TCF25: variants seen among roughly 807,000 people sequenced by gnomAD.
TCF25 encodes TCF25 ribosome quality control complex subunit, also known as ribosome quality control complex subunit TCF25.
A neutral mutation model predicts 83.1 loss-of-function variants in TCF25; 41 were observed. The ratio of observed to expected loss-of-function variants is 0.49; its 90% CI spans 0.38 to 0.64. TCF25 has a LOEUF of 0.64. TCF25 is among the 30% of genes least tolerant of loss of function. TCF25 has a pLI of 0.00. For missense variants in TCF25, 979 were observed against 914.5 expected (o/e 1.07, Z -0.91); for synonymous variants, 458 against 365.0 (o/e 1.25, Z -2.90).
intron 1 of TCF25, among the ~76,000 whole-genome samples, chr16:89,879,798 G>C (rs2042459788): frequency 3.9e-5 from 1 of 25,656 alleles, no homozygotes; most frequent in African/African-American, 1.9e-4. Flanking sequence ...CGTGTGCACA[G>C]ATGGGCTTCG....
chr16:89,900,472 G>A (rs558123055), intron 11 of TCF25, among the ~76,000 whole-genome samples, 163 bp from the exon 12 acceptor site: 1 of 152,288 alleles, frequency 6.6e-6, no homozygotes, highest in East Asian at 1.9e-4. Flanking sequence ...CCAGGTGGAC[G>A]TTTTAAGTTA....
At chr16:89,890,477 G>A (rs1305964639) in intron 5 of TCF25, 4 of 152,180 alleles carry the variant, frequency 2.6e-5, no homozygotes, top group African/African-American at 7.2e-5. Flanking sequence ...CAGAAGTGTT[G>A]GGGTTTTGAT....
At chr16:89,898,108 C>CA (rs34317886) in intron 9 of TCF25, among the ~76,000 whole-genome samples, 9,276 of 114,988 alleles carry the variant, frequency 0.081, 590 homozygotes, top group African/African-American at 0.19. Flanking sequence ...GACTCCGTCT[C>CA]AAAAAAAAAA....
rs775110246 is a variant in TCF25 at position 89,885,862 on chromosome 16, A to G, written c.444A>G (p.Glu148=). The G allele has an allele frequency of 6.2e-7, 1 of 1,611,986 alleles. No homozygotes were observed. Among genetic ancestry groups the G allele is most frequent in the Non-Finnish European group, 8.5e-7 (1 of 1,178,140 alleles). ...STGEASENGL[E]DIDRILERIE... is the part of the protein sequence containing the mutation. The stretch of plus-strand genomic sequence containing the variant: ...GGGGCTTTTAGGAAAACGGACTAGA[A>G]GATATCGATCGCATCCTAGAGAGGA... Residue 148 remains glutamate (E), a synonymous_variant, in exon 4 of 18, where the codon GAA becomes GAG. Transcript: ENST00000263346.
chr16:89,892,489 G>A (rs1467748848), intron 6 of TCF25, among the ~76,000 whole-genome samples: 1 of 152,140 alleles, frequency 6.6e-6, no homozygotes, highest in African/African-American at 2.4e-5. Flanking sequence ...CCAGGAGTGT[G>A]CAGTGTGTGA....
At chr16:89,902,688 C>G (rs1374609408) in intron 12 of TCF25, among the ~76,000 whole-genome samples, 2 of 107,150 alleles carry the variant, frequency 1.9e-5, no homozygotes, top group Non-Finnish European at 4.0e-5. Flanking sequence ...GACTCCGTCT[C>G]AAAAAAAAAG....
chr16:89,882,580 G>A (rs1169585337), intron 1 of TCF25, among the ~76,000 whole-genome samples: 3 of 152,054 alleles, frequency 2.0e-5, no homozygotes, highest in Non-Finnish European at 4.4e-5. Flanking sequence ...TATTTTTATC[G>A]TATGTCATTT....
At chr16:89,907,648 C>G (rs1293977937) in intron 16 of TCF25, among the ~76,000 whole-genome samples, 1 of 105,522 alleles carries the variant, frequency 9.5e-6, no homozygotes, top group Non-Finnish European at 2.0e-5. Flanking sequence ...CTAGTTCCCA[C>G]CTCCCAGCTC....
chr16:89,887,943 A>G (rs1231363057), intron 5 of TCF25, among the ~76,000 whole-genome samples: 1 of 152,220 alleles, frequency 6.6e-6, no homozygotes, highest in Non-Finnish European at 1.5e-5. Flanking sequence ...GCTGGTCTCC[A>G]TCCCTCACAC....
At chr16:89,873,896 C>G in intron 1 of TCF25, 37 bp downstream of exon 1, 1 of 1,478,344 alleles carries the variant, frequency 6.8e-7, no homozygotes, top group Non-Finnish European at 9.0e-7. Context: ...GGTGGGGTGG[C>G]CCTTGACGTT....
Position 89,893,825 on chromosome 16 carries a change from G to C in TCF25, c.795G>C (p.Val265=), listed in dbSNP as rs1456677027. 1.2e-6 allele frequency: 2 copies of C among 1,611,146 alleles called. No homozygotes were observed. The highest frequency in any genetic ancestry group is 3.3e-5 in the Admixed American group (2 of 59,716). ...AGCAGGCTCAGCACAAGTTCCTGGTGGCCGTGGAGTCTATGGAGCCGAACA... is the reference window on the plus strand; with the variant it reads ...AGCAGGCTCAGCACAAGTTCCTGGTCGCCGTGGAGTCTATGGAGCCGAACA... ...EYQQAQHKFL[V]AVESMEPNNI... The change falls in exon 7 of 18, where the codon GTG becomes GTC. Residue 265 remains valine (V), a synonymous_variant. Coordinates refer to ENST00000263346, the MANE Select transcript of TCF25 (RefSeq NM_014972.3).
intron 4 of TCF25, among the ~76,000 whole-genome samples, 168 bp from the exon 5 acceptor site, chr16:89,887,484 G>A (rs1299496781): frequency 2.0e-5 from 3 of 152,204 alleles, no homozygotes; most frequent in African/African-American, 7.2e-5. Flanking sequence ...CCGCAGTGGC[G>A]AGGCCTCAGC....
At chr16:89,877,849 T>A (rs566077637) in intron 1 of TCF25, among the ~76,000 whole-genome samples, 1 of 152,344 alleles carries the variant, frequency 6.6e-6, no homozygotes, top group South Asian at 2.1e-4. Context: ...GATAAGGAAC[T>A]TCTTGCTAAT....
At chr16:89,886,390 T>C (rs958092438) in intron 4 of TCF25, among the ~76,000 whole-genome samples, 22 of 152,010 alleles carry the variant, frequency 1.4e-4, no homozygotes, top group Non-Finnish European at 2.6e-4. Context: ...ATTGTGCCAC[T>C]GCACTCCAGC....
intron 15 of TCF25, 116 bp downstream of exon 15, chr16:89,906,400 C>G (rs1055156343): frequency 4.0e-6 from 4 of 993,596 alleles, no homozygotes; most frequent in East Asian, 2.6e-5. Context: ...AGCAGCCCAG[C>G]CCCGCCACGG....
chr16:89,892,397 G>A (rs572074191), intron 6 of TCF25, 122 bp downstream of exon 6: 2 of 1,124,406 alleles, frequency 1.8e-6, no homozygotes, highest in Non-Finnish European at 2.5e-6. Flanking sequence ...GCGGCGGGGG[G>A]GTGTGTTCTG....
At chr16:89,874,225 C>CG (rs1318056885) in intron 1 of TCF25, among the ~76,000 whole-genome samples, 22 of 149,034 alleles carry the variant, frequency 1.5e-4, no homozygotes, top group African/African-American at 5.5e-4. Context: ...CCAACGTCCG[C>CG]GGGGCCGGGC....
chr16:89,893,934 G>A, intron 7 of TCF25, 76 bp downstream of exon 7: 1 of 1,536,738 alleles, frequency 6.5e-7, no homozygotes, highest in Non-Finnish European at 8.8e-7. Flanking sequence ...TGCTTCCCTG[G>A]TGGCTGGGGG....
intron 1 of TCF25, among the ~76,000 whole-genome samples, chr16:89,875,121 T>C (rs892718769): frequency 2.6e-5 from 4 of 152,206 alleles, no homozygotes; most frequent in African/African-American, 9.6e-5. Context: ...CACCTTGGCC[T>C]CTCAGAGTGT....
Sources: allele counts gnomAD v4.1 joint callset (sites outside exome capture counted in the v4.1 genomes callset), GRCh38; gene constraint gnomAD v4.1.1; transcripts MANE v1.5; gene names NCBI Gene and HGNC (gene_info 2026-07-23, HGNC 2026-07-21).